Variants in OCIAD2 observed in about 807,000 individuals in gnomAD.
The protein encoded by OCIAD2 is OCIA domain containing 2.
In OCIAD2, 29 loss-of-function variants were observed where a neutral mutation model predicts 22.9. That is an observed-to-expected ratio of 1.27 (90% CI 0.94 to 1.73). The LOEUF (loss-of-function observed/expected upper bound fraction) is 1.73, where lower values mean the gene tolerates loss of function less well. OCIAD2 is among the 40% of genes most tolerant of loss of function. The pLI is 0.00. For missense variants in OCIAD2, 189 were observed against 180.3 expected (o/e 1.05, Z -0.28); for synonymous variants, 67 against 60.2 (o/e 1.11, Z -0.52).
chr4:48,890,221 T>C (rs1438653653), intron 6 of OCIAD2, among the ~76,000 whole-genome samples: 3 of 151,474 alleles, frequency 2.0e-5, no homozygotes, highest in African/African-American at 7.3e-5. Context: ...AAACCTGCAA[T>C]GTTGTGCACA....
intron 3 of OCIAD2, among the ~76,000 whole-genome samples, chr4:48,898,407 C>T (rs1467312925): frequency 1.3e-5 from 2 of 151,992 alleles, no homozygotes; most frequent in East Asian, 3.9e-4. Flanking sequence ...CTAAATACTT[C>T]AGCAGTTGTC....
chr4:48,891,694 C>T (rs761881917), intron 6 of OCIAD2, among the ~76,000 whole-genome samples: 11 of 152,140 alleles, frequency 7.2e-5, no homozygotes, highest in African/African-American at 1.7e-4. Flanking sequence ...CTGCACAGAC[C>T]GGAATCATGT....
intron 6 of OCIAD2, among the ~76,000 whole-genome samples, chr4:48,890,976 C>G (rs1029108460): frequency 6.6e-6 from 1 of 152,130 alleles, no homozygotes; most frequent in African/African-American, 2.4e-5. Context: ...AGGAGCTGAC[C>G]TCTACCTGCC....
chr4:48,897,522 G>C (rs1425573983), intron 4 of OCIAD2, among the ~76,000 whole-genome samples: 1 of 152,036 alleles, frequency 6.6e-6, no homozygotes, highest in African/African-American at 2.4e-5. Context: ...GGGCCCACCT[G>C]GATCACCCAG....
intron 3 of OCIAD2, 38 bp downstream of exon 3, chr4:48,899,791 C>G (rs1560460638): frequency 7.2e-7 from 1 of 1,380,474 alleles, no homozygotes; most frequent in Non-Finnish European, 1.0e-6. Flanking sequence ...GATATTTAGG[C>G]AGTTTACTGC....
Position 48,900,199 on chromosome 4 carries a change from G to A in OCIAD2, c.67-274C>T, listed in dbSNP as rs116763969. Among the ~76,000 whole-genome samples, 703 of 145,240 alleles carry A rather than the reference G, an allele frequency of 4.8e-3. 4 individuals are homozygous for A. The highest frequency in any genetic ancestry group is 0.016 in the African/African-American group (666 of 40,898). The stretch of plus-strand genomic sequence containing the variant: ...CAGGCAGCAGATTTGCGATCAGGCT[G>A]AATCCCTGCTGAGGCCACATTTCCT... On this transcript the variant is annotated intron_variant, in intron 2 of 6. Coordinates refer to ENST00000508632, the MANE Select transcript of OCIAD2 (RefSeq NM_001014446.3).
intron 1 of OCIAD2, among the ~76,000 whole-genome samples, chr4:48,906,387 G>T (rs1194881861): frequency 6.6e-6 from 1 of 152,214 alleles, no homozygotes. Flanking sequence ...AGGGCTGGAC[G>T]GCGGACGGGG....
chr4:48,900,717 C>G (rs1781397353), intron 2 of OCIAD2, among the ~76,000 whole-genome samples: 1 of 150,018 alleles, frequency 6.7e-6, no homozygotes, highest in South Asian at 2.1e-4. Flanking sequence ...ACTGCAGACT[C>G]TACCTTCCAG....
At chr4:48,906,245 C>A (rs1164993564) in intron 1 of OCIAD2, among the ~76,000 whole-genome samples, 1 of 152,126 alleles carries the variant, frequency 6.6e-6, no homozygotes, top group Non-Finnish European at 1.5e-5. Context: ...GTCCGGGGAC[C>A]CTCTGTTTCC....
intron 2 of OCIAD2, among the ~76,000 whole-genome samples, chr4:48,903,827 A>T (rs1781469155): frequency 6.6e-6 from 1 of 151,620 alleles, no homozygotes; most frequent in African/African-American, 2.4e-5. Context: ...TTGTATTTTT[A>T]GTAGAGATGG....
chr4:48,897,219 T>C (rs1781321031), intron 4 of OCIAD2: 1 of 154,744 alleles, frequency 6.5e-6, no homozygotes. Context: ...TGCTTCTCTG[T>C]AGTTCCTGTA....
intron 2 of OCIAD2, among the ~76,000 whole-genome samples, chr4:48,903,803 G>A (rs1781468639): frequency 6.6e-6 from 1 of 151,726 alleles, no homozygotes; most frequent in Non-Finnish European, 1.5e-5. Context: ...CAGCCACCAT[G>A]CCCGGCTATT....
At chr4:48,897,123 C>A (rs902632822) in intron 4 of OCIAD2, 12 of 152,588 alleles carry the variant, frequency 7.9e-5, no homozygotes, top group African/African-American at 2.9e-4. Context: ...CCTGCAACAT[C>A]CTTATTTGTA....
chr4:48,885,638 A>C, intron 6 of OCIAD2, 73 bp from the exon 7 acceptor site: 1 of 778,838 alleles, frequency 1.3e-6, no homozygotes, highest in East Asian at 2.5e-5. Context: ...ATAACATATT[A>C]TTCTTATTAT....
At chr4:48,889,268 G>T (rs1373204569) in intron 6 of OCIAD2, among the ~76,000 whole-genome samples, 1 of 151,908 alleles carries the variant, frequency 6.6e-6, no homozygotes, top group African/African-American at 2.4e-5. Flanking sequence ...AATCAATTTT[G>T]TTGATGTTTT....
At chr4:48,895,625 T>C (rs905418327) in intron 4 of OCIAD2, among the ~76,000 whole-genome samples, 3 of 152,240 alleles carry the variant, frequency 2.0e-5, no homozygotes, top group African/African-American at 7.2e-5. Flanking sequence ...GCCCCACCTC[T>C]TGATACTGTT....
intron 6 of OCIAD2, among the ~76,000 whole-genome samples, chr4:48,890,792 T>C (rs1367880190): frequency 6.6e-6 from 1 of 152,200 alleles, no homozygotes; most frequent in East Asian, 1.9e-4. Flanking sequence ...TTTTGAATGA[T>C]AGAAAACTCA....
intron 2 of OCIAD2, among the ~76,000 whole-genome samples, chr4:48,900,973 G>A (rs1781402142): frequency 6.6e-6 from 1 of 151,896 alleles, no homozygotes; most frequent in Admixed American, 6.6e-5. Flanking sequence ...GGCTTTGTAG[G>A]TACATATGCT....
chr4:48,893,083 A>C, intron 5 of OCIAD2, 194 bp from the exon 6 acceptor site: 2 of 437,230 alleles, frequency 4.6e-6, no homozygotes, highest in Non-Finnish European at 4.1e-6. Flanking sequence ...TCAACTTTGC[A>C]CTGGTGGTGG....
Sources: allele counts gnomAD v4.1 joint callset (sites outside exome capture counted in the v4.1 genomes callset), GRCh38; gene constraint gnomAD v4.1.1; transcripts MANE v1.5; gene names NCBI Gene and HGNC (gene_info 2026-07-23, HGNC 2026-07-21).